Variants in DST observed in about 807,000 individuals in gnomAD.
DST encodes the protein bullous pemphigoid antigen.
Under a neutral mutation model 875.2 loss-of-function variants are expected in DST, and 253 were observed. That is an observed-to-expected ratio of 0.29 (90% confidence interval 0.26 to 0.32). DST has a LOEUF of 0.32. Among genes scored for constraint, DST ranks in the 10% least tolerant of loss-of-function variants. The pLI is 1.00. For synonymous variants in DST, 3,124 were observed against 3,197.1 expected, an observed-to-expected ratio of 0.98 and a Z score of 0.77; for missense variants, 8,287 against 9,111.6, an observed-to-expected ratio of 0.91 and a Z score of 3.68.
chr6:56,868,248 G>A (rs1384314788), intron 3 of DST, among the ~76,000 whole-genome samples: 2 of 152,190 alleles, frequency 1.3e-5, no homozygotes, highest in African/African-American at 4.8e-5. Flanking sequence ...CAACTATGAG[G>A]TCTTGTTTCC....
chr6:56,846,408 C>T (rs928408403), intron 4 of DST, among the ~76,000 whole-genome samples: 3 of 152,148 alleles, frequency 2.0e-5, no homozygotes, highest in South Asian at 2.1e-4. Context: ...ATTCCAACTT[C>T]GAAGAATTTG....
chr6:56,661,776 C>T (rs1025931310), intron 10 of DST, among the ~76,000 whole-genome samples: 2 of 152,020 alleles, frequency 1.3e-5, no homozygotes, highest in South Asian at 2.1e-4. Context: ...TTAGTAGAGC[C>T]GCCGTTTCTC....
chr6:56,660,762 CT>C (rs556714969), intron 10 of DST, among the ~76,000 whole-genome samples: 319 of 143,710 alleles, frequency 2.2e-3, no homozygotes, highest in African/African-American at 5.8e-3. Context: ...TTCAAACATT[CT>C]TTTTTTTTTT....
rs191109147 is a variant in DST, at chr6:56,759,459, T to C, written c.626-24170A>G. 8.1e-3 allele frequency among the ~76,000 whole-genome samples: 1,234 copies of C among 152,100 alleles called. 17 individuals are homozygous for C. Among genetic ancestry groups the C allele is most frequent in the African/African-American group, 0.028 (1,175 of 41,516 alleles). ...GAGTGAGAGACTCCATCCCAATAAA[T>C]AAATAAATAAATCAAAAACCACAAG... On this transcript the variant is annotated intron_variant, in intron 4 of 103. Coordinates refer to ENST00000680361, the MANE Select transcript of DST (RefSeq NM_001374736.1).
At chr6:56,542,398 CAGAA>C (rs2097143096) in intron 61 of DST, 1 of 65,862 alleles carries the variant, frequency 1.5e-5, no homozygotes, top group East Asian at 5.0e-4. Context: ...TTAAAGTAAA[CAGAA>C]AGCATGGTGT....
In DST at chr6:56,606,202, T is replaced by C. The variant is rs773265566; in HGVS notation, c.8426A>G (p.Asp2809Gly). 1 of 1,575,290 alleles carries C rather than the reference T, an allele frequency of 6.3e-7. No homozygotes were observed. Among genetic ancestry groups the C allele is most frequent in the African/African-American group, 1.3e-5 (1 of 74,098 alleles). Residue 2809 changes from aspartate to glycine, a missense_variant, in exon 40 of 104, where the codon GAT (aspartate) becomes GGT (glycine). Physicochemically the swap from Asp to Gly is moderately conservative, Grantham distance 94. Transcript: ENST00000680361. The stretch of plus-strand genomic sequence containing the variant: ...TCCTCCTTCTTCATCAATGCCATCA[T>C]CATCATCGTCATCCTGATCATTACT... ...YDSNDQDDDD[D>G]DGIDEEGGGI...
At chr6:56,760,547 A>G (rs2099614741) in intron 4 of DST, among the ~76,000 whole-genome samples, 1 of 152,194 alleles carries the variant, frequency 6.6e-6, no homozygotes, top group Admixed American at 6.5e-5. Flanking sequence ...CAAGCTGATC[A>G]GGCCATAGAT....
chr6:56,896,760 G>A (rs981082828), intron 3 of DST, among the ~76,000 whole-genome samples: 1 of 152,148 alleles, frequency 6.6e-6, no homozygotes, highest in African/African-American at 2.4e-5. Flanking sequence ...GTATATCATT[G>A]TCTTTTGAGA....
chr6:56,576,353 T>C (rs575185428), intron 50 of DST, among the ~76,000 whole-genome samples: 1 of 152,272 alleles, frequency 6.6e-6, no homozygotes, highest in East Asian at 1.9e-4. Context: ...TAATTGAACG[T>C]GAGAAGGGTC....
chr6:56,555,299 A>G lies in DST; in HGVS notation c.15136+46T>C, dbSNP rs777862144. 3.3e-6 allele frequency: 5 copies of G among 1,521,066 alleles called. No homozygotes were observed. The South Asian group carries it at 6.7e-5, about 20-fold the overall frequency. The allele number at this position is 1,521,066 out of a possible 1,614,324, so 94.2% of individuals were successfully genotyped here. On this transcript the variant is annotated intron_variant, in intron 60 of 103. Transcript: ENST00000680361. ...ACATCTTGGAAATAGGCAATATATG[A>G]CATTTATTTCTGACCAGGAAATATA... is the stretch of plus-strand genomic sequence containing the variant.
intron 2 of DST, among the ~76,000 whole-genome samples, chr6:56,923,463 C>CAAAAAAAAAAAAA (rs57118743): frequency 2.1e-5 from 1 of 48,714 alleles, no homozygotes. Flanking sequence ...GGCTCACTGG[C>CAAAAAAAAAAAAA]AAAAAAAAAA....
At chr6:56,703,413 C>T (rs1222346673) in intron 7 of DST, among the ~76,000 whole-genome samples, 2 of 152,120 alleles carry the variant, frequency 1.3e-5, no homozygotes, top group Non-Finnish European at 2.9e-5. Flanking sequence ...AATTACCATG[C>T]AGTGCACAGT....
chr6:56,804,263 C>T (rs2099750648), intron 4 of DST, among the ~76,000 whole-genome samples: 3 of 152,104 alleles, frequency 2.0e-5, no homozygotes, highest in South Asian at 4.1e-4. Context: ...AGGATTTACA[C>T]AATTTCCAAA....
intron 4 of DST, among the ~76,000 whole-genome samples, chr6:56,796,213 G>A (rs1042793578): frequency 3.3e-5 from 5 of 152,176 alleles, no homozygotes; most frequent in Non-Finnish European, 5.9e-5. Flanking sequence ...GTGAATTTAT[G>A]ATAAATACAT....
chr6:56,517,684 T>C (rs2096621324), intron 69 of DST, 64 bp from the exon 70 acceptor site: 1 of 1,525,578 alleles, frequency 6.6e-7, no homozygotes, highest in Non-Finnish European at 8.8e-7. Flanking sequence ...AATACCTATC[T>C]ACAGTTCTTT....
intron 4 of DST, among the ~76,000 whole-genome samples, chr6:56,760,347 A>G (rs938899134): frequency 3.9e-5 from 6 of 152,240 alleles, no homozygotes; most frequent in Non-Finnish European, 8.8e-5. Flanking sequence ...CTTATTTAAA[A>G]TTAGTTTCCA....
chr6:56,776,161 A>G (rs562777143), intron 4 of DST, among the ~76,000 whole-genome samples: 131 of 152,364 alleles, frequency 8.6e-4, no homozygotes, highest in Non-Finnish European at 1.6e-3. Context: ...GCAAAGACCC[A>G]TAACCTCAAT....
chr6:56,699,616 G>T, intron 9 of DST, 37 bp downstream of exon 9: 1 of 1,008,212 alleles, frequency 9.9e-7, no homozygotes, highest in Non-Finnish European at 1.5e-6. Context: ...CTGAAAACTA[G>T]CAATTAGATG....
In DST at chr6:56,593,985, T is replaced by A; in HGVS notation, c.12404A>T (p.Glu4135Val). The A allele has an allele frequency of 6.2e-7, 1 of 1,613,920 alleles. No homozygotes were observed. The highest frequency in any genetic ancestry group is 1.7e-4 in the Middle Eastern group (1 of 6,058). The stretch of plus-strand genomic sequence containing the variant: ...ATAGTCAGCATCAAACTTTTCTAAT[T>A]CTTCCTGCAGAGAGTGAGTTAACTT... ...KMKLTHSLQE[E>V]LEKFDADYTE... The change falls in exon 48 of 104, where the codon GAA becomes GTA. Residue 4135 changes from glutamate to valine, a missense_variant. Physicochemically the swap from Glu to Val is moderately radical, Grantham distance 121 (BLOSUM62 -2). This residue lies in a region of DST where 1,513 missense variants were observed against 1,677.8 expected (regional missense o/e 0.90). Transcript: ENST00000680361.
Sources: gnomAD v4.1 joint callset for allele counts (sites outside exome capture counted in the v4.1 genomes callset) on GRCh38, gnomAD v4.1.1 for gene constraint, gnomAD v4.1.1 regional missense constraint, MANE v1.5 for transcripts, NCBI Gene and HGNC (gene_info 2026-07-23, HGNC 2026-07-21) for gene names.